Variants in MITD1 observed in about 807,000 individuals in gnomAD.
MITD1 encodes MIT domain-containing protein 1.
A neutral mutation model predicts 34.9 loss-of-function variants in MITD1; 24 were observed. The ratio of observed to expected loss-of-function variants is 0.69; its 90% CI spans 0.50 to 0.97. The LOEUF is 0.97. MITD1 is among the 50% of genes least tolerant of loss of function. The pLI, the probability that MITD1 is intolerant of heterozygous loss-of-function variation, is 0.00. For synonymous variants in MITD1, 102 were observed against 101.4 expected (o/e 1.01, Z -0.04); for missense variants, 266 against 294.6 (o/e 0.90, Z 0.71).
downstream of MITD1, among the ~76,000 whole-genome samples, chr2:99,165,593 TTA>T (rs1207701073): frequency 6.6e-6 from 1 of 152,204 alleles, no homozygotes; most frequent in Non-Finnish European, 1.5e-5. Context: ...ATGAATAATT[TTA>T]GACTTTTATA....
intron 1 of MITD1, 136 bp from the exon 2 acceptor site, chr2:99,174,152 C>T: frequency 1.8e-6 from 1 of 561,190 alleles, no homozygotes; most frequent in Non-Finnish European, 3.1e-6. Context: ...CAAACACACA[C>T]AATAAACTCA....
At chr2:99,163,922 T>C (rs2093814560) in intron 7 of MITD1, among the ~76,000 whole-genome samples, 1 of 152,202 alleles carries the variant, frequency 6.6e-6, no homozygotes, top group Non-Finnish European at 1.5e-5. Context: ...ATTTCCCTTC[T>C]ATCCCAGCCT....
At chr2:99,166,100 C>CT (rs2093825445), downstream of MITD1, among the ~76,000 whole-genome samples, 1 of 151,884 alleles carries the variant, frequency 6.6e-6, no homozygotes, top group Non-Finnish European at 1.5e-5. Flanking sequence ...TAATAAACCC[C>CT]TTTTTTGCTT....
chr2:99,163,300 C>T, intron 7 of MITD1: 1 of 330,754 alleles, frequency 3.0e-6, no homozygotes. Flanking sequence ...TCTTTCTTCT[C>T]TTTCTTCCTT....
In MITD1 at chr2:99,170,663, C is replaced by CA; in HGVS notation, c.478-12dup. On this transcript the variant is annotated splice_polypyrimidine_tract_variant and intron_variant, in intron 4 of 6. Transcript: ENST00000289359. ...CACTTGCTCAATGCCCTGTTAATAG[C>CA]AAAAATACGATTATCTGCCGCAGTT... 1 of 1,294,714 alleles carries CA rather than the reference C, an allele frequency of 7.7e-7. No individual in the cohort carries two copies. The highest frequency in any genetic ancestry group is 2.3e-5 in the East Asian group (1 of 43,208). 80.2% of individuals were successfully genotyped at this position (1,294,714 alleles called of 1,614,324 possible).
intron 1 of MITD1, among the ~76,000 whole-genome samples, chr2:99,175,906 T>C (rs1329998451): frequency 1.3e-5 from 2 of 152,226 alleles, no homozygotes; most frequent in Non-Finnish European, 2.9e-5. Flanking sequence ...CCCGCATCGC[T>C]ATTATGTCCT....
downstream of MITD1, among the ~76,000 whole-genome samples, chr2:99,166,503 A>AAC (rs61489926): frequency 1.3e-5 from 2 of 150,416 alleles, no homozygotes; most frequent in African/African-American, 4.9e-5. Context: ...AAAAAAAAAA[A>AAC]CATACAGAGA....
intron 1 of MITD1, among the ~76,000 whole-genome samples, chr2:99,176,718 G>A (rs981770648): frequency 1.3e-5 from 2 of 152,052 alleles, no homozygotes; most frequent in African/African-American, 2.4e-5. Flanking sequence ...ATCAGCTGTC[G>A]TTAGTGTTAG....
At position 99,170,660 on chromosome 2, in the gene MITD1, T is replaced by A; in HGVS notation, c.478-8A>T. The A allele has an allele frequency of 1.5e-6, 2 of 1,358,112 alleles. No individual in the cohort carries two copies. The highest frequency in any genetic ancestry group is 1.4e-5 in the African/African-American group (1 of 70,150). 84.1% of individuals were successfully genotyped at this position (1,358,112 alleles called of 1,614,324 possible). A position where few individuals can be genotyped will look rare whatever the true frequency, so the allele number is the denominator to read the frequency against. On this transcript the variant is annotated splice_polypyrimidine_tract_variant and splice_region_variant and intron_variant, in intron 4 of 6. Transcript: ENST00000289359. ...CTGCACTTGCTCAATGCCCTGTTAA[T>A]AGCAAAAATACGATTATCTGCCGCA...
chr2:99,174,893 T>G (rs2093878592), intron 1 of MITD1, among the ~76,000 whole-genome samples: 1 of 151,922 alleles, frequency 6.6e-6, no homozygotes, highest in South Asian at 2.1e-4. Context: ...GCCCGGCCCA[T>G]TTTTGTATTT....
intron 1 of MITD1, chr2:99,178,247 T>C (rs1004624976): frequency 1.3e-5 from 2 of 152,226 alleles, no homozygotes; most frequent in African/African-American, 2.4e-5. Flanking sequence ...TTTTTAATTT[T>C]TTGAGGAATC....
chr2:99,169,299 CA>C lies in MITD1; in HGVS notation c.*75del, dbSNP rs2093841767. The stretch of plus-strand genomic sequence containing the variant: ...ATAAAAGTTTATTGTTAAATTCATA[CA>C]TTATAAAAGTGATCTTTTAAAAAAA... On this transcript the variant is annotated 3_prime_UTR_variant, in exon 7 of 7. Transcript: ENST00000289359. The C allele has an allele frequency of 1.0e-5, 7 of 673,304 alleles. No individual in the cohort carries two copies. Among genetic ancestry groups the C allele is most frequent in the Non-Finnish European group, 1.8e-5 (7 of 395,994 alleles). The allele number at this position is 673,304 out of a possible 1,614,324, so 41.7% of individuals were successfully genotyped here. A position where few individuals can be genotyped will look rare whatever the true frequency, so the allele number is the denominator to read the frequency against.
chr2:99,162,233 A>G lies in MITD1; in HGVS notation c.*4-15T>C, dbSNP rs1162658889. On this transcript the variant is annotated splice_polypyrimidine_tract_variant and intron_variant, in intron 7 of 7. Transcript: ENST00000422537. ...GTAACCTGAATCTAATGAGAGAAGA[A>G]GGTATAAAACTGGCTCGGAGAAGAA... 1.9e-6 allele frequency: 3 copies of G among 1,613,972 alleles called. No individual in the cohort carries two copies. The South Asian group carries it at 3.3e-5, about 18-fold the overall frequency.
Position 99,162,876 on chromosome 2 carries a change from A to G in MITD1, c.*4-658T>C, listed in dbSNP as rs2093808013. 1.2e-6 allele frequency: 2 copies of G among 1,612,906 alleles called. No individual in the cohort carries two copies. Among genetic ancestry groups the G allele is most frequent in the Non-Finnish European group, 1.7e-6 (2 of 1,179,298 alleles). On this transcript the variant is annotated intron_variant, in intron 7 of 7. Coordinates refer to the MITD1 transcript ENST00000422537. The stretch of plus-strand genomic sequence containing the variant: ...ATTCATAGACATAAAGAATGGAAGA[A>G]TTGAAATTTGTAATATTGAAGCACC...
intron 7 of MITD1, chr2:99,162,814 A>G (rs1559172115): frequency 1.2e-6 from 2 of 1,614,150 alleles, no homozygotes; most frequent in Non-Finnish European, 8.5e-7. Context: ...ACTTCCTTTC[A>G]TGTGTTATAT....
At chr2:99,180,023 G>C (rs1277581529) in intron 1 of MITD1, among the ~76,000 whole-genome samples, 2 of 152,120 alleles carry the variant, frequency 1.3e-5, no homozygotes, top group Admixed American at 1.3e-4. Context: ...AGCAGGAGCT[G>C]ATCTTATCAA....
At chr2:99,176,535 C>G (rs1473493621) in intron 1 of MITD1, among the ~76,000 whole-genome samples, 2 of 151,960 alleles carry the variant, frequency 1.3e-5, no homozygotes, top group Non-Finnish European at 2.9e-5. Flanking sequence ...CCATGTTGGT[C>G]AGGCTGGTCT....
At chr2:99,161,887 A>G (rs2093795847), downstream of MITD1, 5 of 1,335,502 alleles carry the variant, frequency 3.7e-6, no homozygotes, top group Non-Finnish European at 5.1e-6. Flanking sequence ...CCGATAATTG[A>G]TAGTTAGAAA....
At chr2:99,180,642 T>C (rs191013355) in intron 1 of MITD1, 189 bp downstream of exon 1, 90 of 581,170 alleles carry the variant, frequency 1.5e-4, no homozygotes, top group African/African-American at 1.2e-3. Flanking sequence ...CCACCTTTTC[T>C]AGGTAACATC....
Sources: allele counts gnomAD v4.1 joint callset (sites outside exome capture counted in the v4.1 genomes callset), GRCh38; gene constraint gnomAD v4.1.1; transcripts MANE v1.5; gene names NCBI Gene and HGNC (gene_info 2026-07-23, HGNC 2026-07-21).